The following REEP1 variants were observed in gnomAD, a reference collection of about 807,000 sequenced individuals.
The protein encoded by REEP1 is receptor accessory protein 1.
Under a neutral mutation model 40.3 loss-of-function variants are expected in REEP1, and 22 were observed. That is an observed-to-expected ratio of 0.55 (90% CI 0.39 to 0.78). REEP1 has a LOEUF of 0.78. Ranked by LOEUF, REEP1 falls within the 30% of genes least tolerant of loss-of-function variation. REEP1 has a pLI of 0.00. For synonymous variants in REEP1, 116 were observed against 139.2 expected, an observed-to-expected ratio of 0.83 and a Z score of 1.17; for missense variants, 280 against 361.1, an observed-to-expected ratio of 0.78 and a Z score of 1.82.
At chr2:86,282,884 G>T (rs746493042) in intron 1 of REEP1, among the ~76,000 whole-genome samples, 4 of 152,086 alleles carry the variant, frequency 2.6e-5, no homozygotes, top group African/African-American at 4.8e-5. Flanking sequence ...ATGATCTTGT[G>T]CTCAGCCCTG....
chr2:86,300,518 T>C (rs578145904), intron 1 of REEP1, among the ~76,000 whole-genome samples: 2 of 152,176 alleles, frequency 1.3e-5, no homozygotes, highest in African/African-American at 4.8e-5. Context: ...CATATACACA[T>C]GAAAAGTAGA....
chr2:86,236,669 C>T (rs377711914), intron 5 of REEP1, among the ~76,000 whole-genome samples: 4 of 151,986 alleles, frequency 2.6e-5, no homozygotes, highest in African/African-American at 4.8e-5. Flanking sequence ...AAAAAGACAT[C>T]GCTAAGTCAC....
intron 2 of REEP1, among the ~76,000 whole-genome samples, chr2:86,280,842 A>G (rs956842162): frequency 1.3e-5 from 2 of 152,276 alleles, no homozygotes; most frequent in Admixed American, 1.3e-4. Flanking sequence ...TGGTTTCATC[A>G]TAAAGACTTC....
At chr2:86,219,584 T>A (rs1160917100) in intron 8 of REEP1, among the ~76,000 whole-genome samples, 1 of 151,878 alleles carries the variant, frequency 6.6e-6, no homozygotes, top group East Asian at 1.9e-4. Context: ...CAGCTGGGAC[T>A]ACAGGTGCGC....
At position 86,266,575 on chromosome 2, in the gene REEP1, C is replaced by T. The variant is rs1470272680; in HGVS notation, c.106-2534G>A. ...CGGAGCTTGCAGTGAGCCGAGATTGCGCCACTGCAGTCCGCAGTCCGGCCT... is the reference window on the plus strand; with the variant it reads ...CGGAGCTTGCAGTGAGCCGAGATTGTGCCACTGCAGTCCGCAGTCCGGCCT... On this transcript the variant is annotated intron_variant, in intron 2 of 8. Coordinates refer to ENST00000538924, the MANE Select transcript of REEP1 (RefSeq NM_001371279.1). 3.0e-4 allele frequency among the ~76,000 whole-genome samples: 45 copies of T among 150,432 alleles called. 1 individual carries two copies. Among genetic ancestry groups the T allele is most frequent in the African/African-American group, 1.0e-3 (41 of 40,934 alleles).
At chr2:86,288,034 T>TTTTTTTTTTTTTTTTTTTTTG (rs1678494363) in intron 1 of REEP1, among the ~76,000 whole-genome samples, 1 of 151,166 alleles carries the variant, frequency 6.6e-6, no homozygotes, top group African/African-American at 2.5e-5. Context: ...TTTTTATTAT[T>TTTTTTTTTTTTTTTTTTTTTG]TTTTTGAGAT....
intron 2 of REEP1, among the ~76,000 whole-genome samples, chr2:86,277,786 T>C (rs781145544): frequency 6.6e-6 from 1 of 152,212 alleles, no homozygotes; most frequent in Non-Finnish European, 1.5e-5. Context: ...GAATGCTAGG[T>C]GTCCAGCATG....
intron 7 of REEP1, 64 bp from the exon 8 acceptor site, chr2:86,220,185 G>C: frequency 8.7e-7 from 1 of 1,144,814 alleles, no homozygotes; most frequent in Non-Finnish European, 1.1e-6. Flanking sequence ...TCAGTGCAGG[G>C]AGCAGGGAAG....
intron 5 of REEP1, among the ~76,000 whole-genome samples, chr2:86,236,263 A>C (rs1675319354): frequency 6.6e-6 from 1 of 151,426 alleles, no homozygotes; most frequent in Non-Finnish European, 1.5e-5. Flanking sequence ...TAAACCTTTC[A>C]GCCCTTCTCA....
rs749580 is a variant in REEP1, at chr2:86,221,254, C to A, written c.632-1133G>T. Among the ~76,000 whole-genome samples, 449 of 152,312 alleles carry A rather than the reference C, an allele frequency of 2.9e-3. 2 individuals are homozygous for A. Among genetic ancestry groups the A allele is most frequent in the Non-Finnish European group, 4.9e-3 (334 of 68,028 alleles). ...TAATCTTGGGCAGCTTTACCAGTTA[C>A]CACTGCTGTGCTCCCCAACAGCCAG... On this transcript the variant is annotated intron_variant, in intron 7 of 8. Transcript: ENST00000538924.
chr2:86,332,398 AT>A (rs1399389205), intron 1 of REEP1, among the ~76,000 whole-genome samples: 3 of 147,722 alleles, frequency 2.0e-5, no homozygotes, highest in Non-Finnish European at 4.5e-5. Flanking sequence ...CTGCACTGCC[AT>A]ATCTCTCCTT....
At chr2:86,276,368 C>T (rs891861099) in intron 2 of REEP1, among the ~76,000 whole-genome samples, 4 of 152,226 alleles carry the variant, frequency 2.6e-5, no homozygotes, top group Admixed American at 1.3e-4. Flanking sequence ...GCTTTTCCTA[C>T]TGCTCTGCTT....
At chr2:86,333,691 C>T (rs1258333270) in intron 1 of REEP1, among the ~76,000 whole-genome samples, 1 of 152,116 alleles carries the variant, frequency 6.6e-6, no homozygotes, top group East Asian at 1.9e-4. Context: ...GTTGGTATCC[C>T]CCCTCCAAAA....
intron 1 of REEP1, among the ~76,000 whole-genome samples, chr2:86,288,316 C>T (rs1170885990): frequency 6.6e-6 from 1 of 152,166 alleles, no homozygotes; most frequent in East Asian, 1.9e-4. Context: ...GCCACAGCAC[C>T]CAGCCTAAAA....
At chr2:86,264,211 G>A (rs17027112) in intron 2 of REEP1, among the ~76,000 whole-genome samples, 170 bp from the exon 3 acceptor site, 1 of 152,280 alleles carries the variant, frequency 6.6e-6, no homozygotes, top group East Asian at 1.9e-4. Context: ...TTCTGCTCCA[G>A]ATCTTGAAGC....
intron 3 of REEP1, among the ~76,000 whole-genome samples, chr2:86,263,736 T>A (rs1676985945): frequency 6.6e-6 from 1 of 152,208 alleles, no homozygotes; most frequent in Admixed American, 6.5e-5. Context: ...CATGACTATA[T>A]CCCCAGGGCT....
At chr2:86,235,836 G>A (rs1675293151) in intron 5 of REEP1, among the ~76,000 whole-genome samples, 2 of 152,202 alleles carry the variant, frequency 1.3e-5, no homozygotes, top group Admixed American at 1.3e-4. Context: ...ACCTAGGCCT[G>A]TGTCAGAGGA....
intron 1 of REEP1, among the ~76,000 whole-genome samples, chr2:86,330,579 G>A (rs1269832154): frequency 6.6e-6 from 1 of 151,716 alleles, no homozygotes; most frequent in Non-Finnish European, 1.5e-5. Context: ...AAGTAGCTGG[G>A]ACCACAGGTG....
At chr2:86,221,716 A>T (rs1674438053) in intron 7 of REEP1, among the ~76,000 whole-genome samples, 1 of 152,186 alleles carries the variant, frequency 6.6e-6, no homozygotes, top group South Asian at 2.1e-4. Context: ...CACCTGACCC[A>T]GGGCTGGGCA....
Sources: gnomAD v4.1 joint callset for allele counts (sites outside exome capture counted in the v4.1 genomes callset) on GRCh38, gnomAD v4.1.1 for gene constraint, MANE v1.5 for transcripts, NCBI Gene and HGNC (gene_info 2026-07-23, HGNC 2026-07-21) for gene names.